Variants in AUH observed in about 807,000 individuals in gnomAD.
AUH encodes methylglutaconyl-CoA hydratase, mitochondrial.
A neutral mutation model predicts 42.3 loss-of-function variants in AUH; 29 were observed. The observed-to-expected ratio is 0.69, with a 90% CI of 0.51 to 0.93. The LOEUF is 0.93. Ranked by LOEUF, AUH falls within the 40% of genes least tolerant of loss-of-function variation. The pLI, the probability that AUH is intolerant of heterozygous loss-of-function variation, is 0.00. For missense variants in AUH, 452 were observed against 438.1 expected, an observed-to-expected ratio of 1.03 and a Z score of -0.28; for synonymous variants, 174 against 166.4, an observed-to-expected ratio of 1.05 and a Z score of -0.35.
At chr9:91,273,635 T>A (rs1000264140) in intron 6 of AUH, among the ~76,000 whole-genome samples, 1 of 152,234 alleles carries the variant, frequency 6.6e-6, no homozygotes, top group African/African-American at 2.4e-5. Flanking sequence ...TTGAAGTATT[T>A]AAAACCCTCT....
chr9:91,214,576 T>C, intron 9 of AUH, 151 bp from the exon 10 acceptor site: 1 of 652,482 alleles, frequency 1.5e-6, no homozygotes, highest in South Asian at 2.0e-5. Context: ...ACCAAACTCA[T>C]CCTTCTTACT....
chr9:91,345,009 GAA>G (rs140331417), intron 3 of AUH, among the ~76,000 whole-genome samples: 47 of 143,932 alleles, frequency 3.3e-4, no homozygotes, highest in Middle Eastern at 3.6e-3. Flanking sequence ...ACATGTTCAT[GAA>G]AAAAAAAAAA....
At chr9:91,249,944 G>A (rs1829031717) in intron 6 of AUH, among the ~76,000 whole-genome samples, 1 of 151,648 alleles carries the variant, frequency 6.6e-6, no homozygotes, top group South Asian at 2.1e-4. Flanking sequence ...CCTGGGAGGT[G>A]GAGGCTGCAG....
chr9:91,229,561 G>A (rs1209717541), intron 6 of AUH, among the ~76,000 whole-genome samples: 3 of 150,670 alleles, frequency 2.0e-5, no homozygotes, highest in Admixed American at 2.0e-4. Context: ...TACATTTAAA[G>A]TTAATAGTGT....
At chr9:91,301,945 T>C (rs900944485) in intron 4 of AUH, among the ~76,000 whole-genome samples, 1 of 152,204 alleles carries the variant, frequency 6.6e-6, no homozygotes, top group Non-Finnish European at 1.5e-5. Context: ...TGTTTCTAAC[T>C]AAAGAATTAA....
chr9:91,353,313 C>A (rs911728471), intron 3 of AUH, among the ~76,000 whole-genome samples: 3 of 152,036 alleles, frequency 2.0e-5, no homozygotes, highest in Non-Finnish European at 2.9e-5. Flanking sequence ...GTCTCGAATT[C>A]TTGACCTTGT....
At chr9:91,234,744 A>G (rs1190835076) in intron 6 of AUH, among the ~76,000 whole-genome samples, 1 of 151,100 alleles carries the variant, frequency 6.6e-6, no homozygotes, top group Non-Finnish European at 1.5e-5. Context: ...ATTCTGCAGA[A>G]GGAGAGCAAA....
intron 7 of AUH, among the ~76,000 whole-genome samples, chr9:91,219,362 G>A (rs1351903325): frequency 6.6e-6 from 1 of 152,102 alleles, no homozygotes; most frequent in Admixed American, 6.5e-5. Context: ...TTTCAACTGA[G>A]GTATGTTCTG....
chr9:91,232,084 T>C (rs962521191), intron 6 of AUH, among the ~76,000 whole-genome samples: 10 of 152,234 alleles, frequency 6.6e-5, no homozygotes, highest in African/African-American at 2.4e-4. Flanking sequence ...AATGTTTACA[T>C]AGATCAATAC....
At chr9:91,281,514 TCCA>T (rs1184416387) in intron 6 of AUH, among the ~76,000 whole-genome samples, 1 of 152,190 alleles carries the variant, frequency 6.6e-6, no homozygotes, top group Non-Finnish European at 1.5e-5. Flanking sequence ...TCTCGAAAAC[TCCA>T]CATCTGTGTA....
chr9:91,339,370 CCA>C (rs1200248942), intron 3 of AUH, among the ~76,000 whole-genome samples: 1 of 152,104 alleles, frequency 6.6e-6, no homozygotes, highest in African/African-American at 2.4e-5. Context: ...GGTATGTTTA[CCA>C]CAGTGGTATG....
intron 1 of AUH, 63 bp from the exon 2 acceptor site, chr9:91,356,218 T>A (rs1411964978): frequency 7.8e-7 from 1 of 1,289,414 alleles, no homozygotes; most frequent in Non-Finnish European, 1.1e-6. Flanking sequence ...GAACAGACTC[T>A]ACATCACACA....
At chr9:91,285,403 T>C (rs892297567) in intron 6 of AUH, among the ~76,000 whole-genome samples, 2 of 151,894 alleles carry the variant, frequency 1.3e-5, no homozygotes, top group African/African-American at 4.8e-5. Context: ...GGCACATGTA[T>C]ACATATGTAA....
At chr9:91,228,147 C>T (rs948226308) in intron 6 of AUH, among the ~76,000 whole-genome samples, 2 of 151,654 alleles carry the variant, frequency 1.3e-5, no homozygotes, top group African/African-American at 2.4e-5. Flanking sequence ...CCTCCTTGTA[C>T]CTCTGGTAGA....
intron 3 of AUH, among the ~76,000 whole-genome samples, chr9:91,351,395 C>A (rs892777577): frequency 6.6e-6 from 1 of 152,144 alleles, no homozygotes; most frequent in Non-Finnish European, 1.5e-5. Flanking sequence ...TTATAAGTAT[C>A]GTATTTATAT....
intron 3 of AUH, among the ~76,000 whole-genome samples, chr9:91,346,881 T>G (rs1253017441): frequency 6.6e-6 from 1 of 151,508 alleles, no homozygotes; most frequent in Non-Finnish European, 1.5e-5. Context: ...AAAAAACACT[T>G]TATTTACTAT....
chr9:91,316,421 G>C (rs1829162633), intron 4 of AUH, among the ~76,000 whole-genome samples: 1 of 152,190 alleles, frequency 6.6e-6, no homozygotes, highest in Non-Finnish European at 1.5e-5. Context: ...GAGTCTTATG[G>C]AATGTGGATA....
intron 3 of AUH, among the ~76,000 whole-genome samples, chr9:91,355,055 A>G (rs557742649): frequency 6.6e-6 from 1 of 152,320 alleles, no homozygotes; most frequent in East Asian, 1.9e-4. Flanking sequence ...AGCAGCTGGG[A>G]GTAATAAACC....
rs540736685 is a variant in AUH, at chr9:91,255,928, C to T, written c.656-34936G>A. Among the ~76,000 whole-genome samples the T allele has an allele frequency of 3.6e-4, 55 of 152,146 alleles. 1 individual carries two copies. Among genetic ancestry groups the T allele is most frequent in the South Asian group, 2.9e-3 (14 of 4,830 alleles). On this transcript the variant is annotated intron_variant, in intron 6 of 9. Coordinates refer to ENST00000375731, the MANE Select transcript of AUH (RefSeq NM_001698.3). ...TCATGAATTGAGGCTCTATAAGTTA[C>T]GCAGCTCTATTTTAAAAATACATAA...
Sources: allele counts gnomAD v4.1 joint callset (sites outside exome capture counted in the v4.1 genomes callset), GRCh38; gene constraint gnomAD v4.1.1; transcripts MANE v1.5; gene names NCBI Gene and HGNC (gene_info 2026-07-23, HGNC 2026-07-21).